SCARA3: variants seen among roughly 807,000 people sequenced by gnomAD.
SCARA3 encodes the protein scavenger receptor class A member 3.
SCARA3 carries 39 observed loss-of-function variants against 47.0 expected under a neutral mutation model. The ratio of observed to expected loss-of-function variants is 0.83; its 90% CI spans 0.64 to 1.08. The LOEUF is 1.08. Among genes scored for constraint, SCARA3 ranks in the 50% least tolerant of loss-of-function variants. SCARA3 has a pLI of 0.00. For synonymous variants in SCARA3, 356 were observed against 334.1 expected (o/e 1.07, Z -0.71); for missense variants, 724 against 792.3 (o/e 0.91, Z 1.04).
chr8:27,704,186 C>T, the SCARA3 span, among the ~76,000 whole-genome samples: 2 of 152,022 alleles, frequency 1.3e-5, no homozygotes, highest in African/African-American at 4.8e-5. Context: ...CAGCTCATGC[C>T]TATAATTCCA....
At chr8:27,724,534 T>A in the SCARA3 span, among the ~76,000 whole-genome samples, 25 of 152,284 alleles carry the variant, frequency 1.6e-4, no homozygotes, top group East Asian at 2.9e-3. Context: ...GGCAGGTGCC[T>A]GTAATCCCAG....
chr8:27,683,639 C>T, the SCARA3 span, among the ~76,000 whole-genome samples: 1 of 152,146 alleles, frequency 6.6e-6, no homozygotes, highest in African/African-American at 2.4e-5. Flanking sequence ...AGCATTTCCA[C>T]TCCTAGGTAT....
chr8:27,727,314 C>G, the SCARA3 span, among the ~76,000 whole-genome samples: 1 of 152,170 alleles, frequency 6.6e-6, no homozygotes, highest in African/African-American at 2.4e-5. Context: ...TTTGAAACCC[C>G]CCTTGAAGCA....
Position 27,671,593 on chromosome 8 carries a change from C to G in SCARA3, c.*242C>G, listed in dbSNP as rs1802160024. Reference sequence around the variant, plus strand: ...ATGCACACACATGCACACATACACGCACATGCACACATACACATGCATGCA... The same window carrying G: ...ATGCACACACATGCACACATACACGGACATGCACACATACACATGCATGCA... On this transcript the variant is annotated 3_prime_UTR_variant, in exon 6 of 6. Coordinates refer to ENST00000301904, the MANE Select transcript of SCARA3 (RefSeq NM_016240.3). 8.0e-7 allele frequency: 1 copy of G among 1,244,114 alleles called. No homozygotes were observed. Among genetic ancestry groups the G allele is most frequent in the Non-Finnish European group, 1.0e-6 (1 of 996,888 alleles). The allele number at this position is 1,244,114 out of a possible 1,614,324, so 77.1% of individuals were successfully genotyped here. A position where few individuals can be genotyped will look rare whatever the true frequency, so the allele number is the denominator to read the frequency against.
chr8:27,692,339 G>A, the SCARA3 span, among the ~76,000 whole-genome samples: 3 of 151,290 alleles, frequency 2.0e-5, no homozygotes, highest in African/African-American at 7.3e-5. Context: ...AGAATCACTT[G>A]AACCTGGGAG....
At chr8:27,688,342 G>C in the SCARA3 span, among the ~76,000 whole-genome samples, 2 of 151,718 alleles carry the variant, frequency 1.3e-5, no homozygotes, top group African/African-American at 4.8e-5. Context: ...GAGGGGGAAA[G>C]TGAATACAAA....
intron 1 of SCARA3, among the ~76,000 whole-genome samples, chr8:27,638,162 G>C (rs1318936504): frequency 3.9e-5 from 6 of 152,164 alleles, no homozygotes; most frequent in Admixed American, 2.0e-4. Flanking sequence ...AAAGCCTTCT[G>C]TTTCTCAGTA....
chr8:27,681,576 G>T (rs370673611), downstream of SCARA3, among the ~76,000 whole-genome samples: 55 of 152,024 alleles, frequency 3.6e-4, 1 homozygote, highest in South Asian at 0.011. Context: ...AAAAATAATA[G>T]CCAGGTGTGG....
At chr8:27,719,267 A>T in the SCARA3 span, among the ~76,000 whole-genome samples, 1 of 152,160 alleles carries the variant, frequency 6.6e-6, no homozygotes. Context: ...TCCTTAGCAA[A>T]CTAACACAGG....
chr8:27,685,120 A>G, the SCARA3 span, among the ~76,000 whole-genome samples: 2 of 152,206 alleles, frequency 1.3e-5, no homozygotes, highest in South Asian at 4.1e-4. Flanking sequence ...GAAAAAAGTC[A>G]TAAGTACAGA....
intron 5 of SCARA3, among the ~76,000 whole-genome samples, chr8:27,665,089 A>G (rs34053557): frequency 6.6e-6 from 1 of 152,340 alleles, no homozygotes; most frequent in Non-Finnish European, 1.5e-5. Flanking sequence ...CTGAGCGGCT[A>G]TCTGGAATAA....
At chr8:27,640,152 C>T (rs1396519487) in intron 1 of SCARA3, among the ~76,000 whole-genome samples, 1 of 152,160 alleles carries the variant, frequency 6.6e-6, no homozygotes, top group Admixed American at 6.5e-5. Context: ...AAGATGGTTA[C>T]AGACATAGAC....
At chr8:27,704,601 C>G in the SCARA3 span, among the ~76,000 whole-genome samples, 1 of 152,242 alleles carries the variant, frequency 6.6e-6, no homozygotes, top group South Asian at 2.1e-4. Context: ...CCTTCAGGTC[C>G]GTGTGAAAGA....
intron 3 of SCARA3, 32 bp from the exon 4 acceptor site, chr8:27,656,750 C>G (rs759680806): frequency 1.5e-6 from 2 of 1,362,100 alleles, no homozygotes; most frequent in Non-Finnish European, 2.1e-6. Context: ...AGCTTAGACC[C>G]TGCCCCAGCT....
downstream of SCARA3, among the ~76,000 whole-genome samples, chr8:27,681,615 T>C (rs1264532056): frequency 1.3e-5 from 2 of 152,070 alleles, no homozygotes; most frequent in African/African-American, 4.8e-5. Flanking sequence ...CCAGCTACTC[T>C]GGAGGCTGAG....
intron 1 of SCARA3, among the ~76,000 whole-genome samples, chr8:27,646,483 G>C (rs1015273826): frequency 6.6e-5 from 10 of 152,198 alleles, no homozygotes; most frequent in Non-Finnish European, 1.5e-4. Flanking sequence ...GTGATGAAAT[G>C]GGCCCTAGAG....
rs376988713 is a variant in SCARA3, at chr8:27,649,690, G to T, written c.8-12G>T. 3.7e-4 allele frequency: 599 copies of T among 1,613,538 alleles called. 4 individuals carry two copies. The South Asian group carries it at 4.8e-3, about 13-fold the overall frequency. On this transcript the variant is annotated splice_polypyrimidine_tract_variant and intron_variant, in intron 1 of 5. Transcript: ENST00000301904. ...GATGGCTTTGGGTCTGACGGCACTG[G>T]CTTCATTATAGTGAGGTCGGCCGGC...
chr8:27,696,258 C>T, the SCARA3 span, among the ~76,000 whole-genome samples: 629 of 152,238 alleles, frequency 4.1e-3, 6 homozygotes, highest in African/African-American at 0.015. Flanking sequence ...AATCCTCCCA[C>T]CTTGGCCTTC....
chr8:27,695,800 A>C, the SCARA3 span, among the ~76,000 whole-genome samples: 1 of 152,148 alleles, frequency 6.6e-6, no homozygotes, highest in Non-Finnish European at 1.5e-5. Flanking sequence ...TCATAAACTT[A>C]AAGACAAATC....
Sources: allele counts gnomAD v4.1 joint callset (sites outside exome capture counted in the v4.1 genomes callset), GRCh38; gene constraint gnomAD v4.1.1; transcripts MANE v1.5; gene names NCBI Gene and HGNC (gene_info 2026-07-23, HGNC 2026-07-21).